CBFA2T3: variants seen among roughly 807,000 people sequenced by gnomAD.
The protein encoded by CBFA2T3 is CBFA2/RUNX1 partner transcriptional co-repressor 3.
A neutral mutation model predicts 58.6 loss-of-function variants in CBFA2T3; 31 were observed. The ratio of observed to expected loss-of-function variants is 0.53; its 90% CI spans 0.40 to 0.71. The LOEUF (loss-of-function observed/expected upper bound fraction) is 0.71, where lower values mean the gene tolerates loss of function less well. CBFA2T3 is among the 30% of genes least tolerant of loss of function. CBFA2T3 has a pLI of 0.00. For missense variants in CBFA2T3, 1,076 were observed against 963.1 expected (o/e 1.12, Z -1.55); for synonymous variants, 531 against 421.9 (o/e 1.26, Z -3.17).
chr16:88,909,595 G>A (rs1021459738), intron 1 of CBFA2T3, among the ~76,000 whole-genome samples: 1 of 152,220 alleles, frequency 6.6e-6, no homozygotes, highest in African/African-American at 2.4e-5. Flanking sequence ...TGGGACGGAG[G>A]ACGCCACTGC....
chr16:88,970,366 C>T (rs755990545), intron 1 of CBFA2T3, among the ~76,000 whole-genome samples: 1 of 152,198 alleles, frequency 6.6e-6, no homozygotes, highest in Non-Finnish European at 1.5e-5. Flanking sequence ...CGGCTCTCGT[C>T]TCAGAGCAGG....
At chr16:88,910,175 G>A (rs907390230) in intron 1 of CBFA2T3, among the ~76,000 whole-genome samples, 1 of 152,230 alleles carries the variant, frequency 6.6e-6, no homozygotes, top group Non-Finnish European at 1.5e-5. Context: ...TTTGCATGGC[G>A]GTGTTTCTGC....
rs182771285 is a variant in CBFA2T3, at chr16:88,896,954, C to T, written c.379+1124G>A. 4.3e-3 allele frequency among the ~76,000 whole-genome samples: 659 copies of T among 152,356 alleles called. 9 individuals are homozygous for T. Among genetic ancestry groups the T allele is most frequent in the East Asian group, 8.9e-3 (46 of 5,180 alleles). On this transcript the variant is annotated intron_variant, in intron 3 of 11. Transcript: ENST00000268679. ...ACGCCAAAAATAACCCCGGCACAAG[C>T]GCTTTCATTCCCACGACAGGTGTGT...
At chr16:88,944,569 A>T (rs1030634079) in intron 1 of CBFA2T3, among the ~76,000 whole-genome samples, 1 of 152,244 alleles carries the variant, frequency 6.6e-6, no homozygotes, top group African/African-American at 2.4e-5. Flanking sequence ...TCAGGAAAAC[A>T]ACTGCAGCCT....
At chr16:88,952,904 GCAGGGCC>G in intron 1 of CBFA2T3, among the ~76,000 whole-genome samples, 2 of 41,588 alleles carry the variant, frequency 4.8e-5, no homozygotes, top group African/African-American at 2.2e-4. Flanking sequence ...GGACCCCCAC[GCAGGGCC>G]TGTGTCGAGA....
At chr16:88,882,527 T>C (rs1597659984) in intron 8 of CBFA2T3, 149 bp downstream of exon 8, 2 of 631,450 alleles carry the variant, frequency 3.2e-6, no homozygotes, top group Admixed American at 2.3e-5. Context: ...GTGGCTTGTG[T>C]GGGCATGGCT....
intron 7 of CBFA2T3, chr16:88,884,728 A>C: frequency 3.6e-6 from 1 of 274,424 alleles, no homozygotes. Flanking sequence ...CAGAGGAGGA[A>C]ACTGAGAAGC....
chr16:88,882,471 G>GCAT (rs1315672560), intron 8 of CBFA2T3, among the ~76,000 whole-genome samples: 2 of 145,618 alleles, frequency 1.4e-5, no homozygotes, highest in African/African-American at 4.9e-5. Context: ...GTGTGCGTGG[G>GCAT]GGTGGCTGTG....
chr16:88,939,240 C>T (rs1487403048), intron 1 of CBFA2T3: 2 of 152,228 alleles, frequency 1.3e-5, no homozygotes, highest in African/African-American at 2.4e-5. Context: ...CCAGAGGGTT[C>T]TGGAAGGCGA....
At chr16:88,918,491 G>A (rs1035762915) in intron 1 of CBFA2T3, among the ~76,000 whole-genome samples, 1 of 152,258 alleles carries the variant, frequency 6.6e-6, no homozygotes, top group Non-Finnish European at 1.5e-5. Context: ...TGGACAGGGT[G>A]GGGCTCCCGC....
At chr16:88,919,519 C>T (rs1238993331) in intron 1 of CBFA2T3, among the ~76,000 whole-genome samples, 1 of 152,190 alleles carries the variant, frequency 6.6e-6, no homozygotes, top group Non-Finnish European at 1.5e-5. Context: ...CCCTACCGCC[C>T]GGTATTCACT....
intron 1 of CBFA2T3, among the ~76,000 whole-genome samples, chr16:88,925,116 G>C (rs1426038940): frequency 1.3e-5 from 2 of 152,256 alleles, no homozygotes; most frequent in Non-Finnish European, 2.9e-5. Flanking sequence ...GCCTCGTCCT[G>C]GACACCGAGC....
At chr16:88,890,589 C>G (rs1020404726) in intron 5 of CBFA2T3, among the ~76,000 whole-genome samples, 3 of 152,242 alleles carry the variant, frequency 2.0e-5, no homozygotes, top group Non-Finnish European at 4.4e-5. Context: ...TAGAGATGTG[C>G]AGCCGTCTTG....
At chr16:88,938,504 A>G (rs1232426762) in intron 1 of CBFA2T3, 1 of 152,258 alleles carries the variant, frequency 6.6e-6, no homozygotes, top group Non-Finnish European at 1.5e-5. Context: ...CAGGGACGCG[A>G]CAGTGCGTGT....
chr16:88,891,795 G>A (rs560053708), intron 5 of CBFA2T3, 87 bp downstream of exon 5: 9 of 918,478 alleles, frequency 9.8e-6, no homozygotes, highest in African/African-American at 8.3e-5. Flanking sequence ...CTTCCCGCCT[G>A]TCCACCGCTG....
chr16:88,910,105 G>A (rs941138020), intron 1 of CBFA2T3, among the ~76,000 whole-genome samples: 2 of 152,150 alleles, frequency 1.3e-5, no homozygotes, highest in African/African-American at 4.8e-5. Context: ...CTAACCACAC[G>A]CACTACCCCA....
chr16:88,941,553 G>A (rs926985167), intron 1 of CBFA2T3, among the ~76,000 whole-genome samples: 3 of 148,458 alleles, frequency 2.0e-5, no homozygotes, highest in Non-Finnish European at 4.5e-5. Flanking sequence ...GGCCGTGGGG[G>A]CCGGGGCTGT....
chr16:88,901,841 G>A (rs925817950), intron 1 of CBFA2T3, among the ~76,000 whole-genome samples, 185 bp from the exon 2 acceptor site: 2 of 152,176 alleles, frequency 1.3e-5, no homozygotes, highest in African/African-American at 4.8e-5. Context: ...GAACCAGGCC[G>A]GAGGACGGGC....
In CBFA2T3 at chr16:88,879,318, G is replaced by A. The variant is rs779494070; in HGVS notation, c.1614C>T (p.Ala538=). The A allele has an allele frequency of 6.2e-7, 1 of 1,610,266 alleles. No individual in the cohort carries two copies. Among genetic ancestry groups the A allele is most frequent in the Non-Finnish European group, 8.5e-7 (1 of 1,178,464 alleles). Residue 538 remains alanine, a synonymous_variant, in exon 11 of 12, where the codon GCC becomes GCT. Transcript: ENST00000268679. Reference sequence around the variant, plus strand: ...TGATGACCGTCAGGGCGTCCTCGGAGGCCTGCCGCTTCGCCTCGGCCAGGG... The same window carrying A: ...TGATGACCGTCAGGGCGTCCTCGGAAGCCTGCCGCTTCGCCTCGGCCAGGG... ...ERALAEAKRQ[A]SEDALTVINQ... is the part of the protein sequence containing the mutation.
Sources: allele counts gnomAD v4.1 joint callset (sites outside exome capture counted in the v4.1 genomes callset), GRCh38; gene constraint gnomAD v4.1.1; transcripts MANE v1.5; gene names NCBI Gene and HGNC (gene_info 2026-07-23, HGNC 2026-07-21).